CCDC7: variants seen among roughly 807,000 people sequenced by gnomAD.
CCDC7 encodes the protein coiled-coil domain-containing protein 7.
A neutral mutation model predicts 196.9 loss-of-function variants in CCDC7; 183 were observed. The ratio of observed to expected loss-of-function variants is 0.93; its 90% CI spans 0.82 to 1.05. The LOEUF (loss-of-function observed/expected upper bound fraction) is 1.05. Ranked by LOEUF, CCDC7 falls within the 50% of genes least tolerant of loss-of-function variation. The pLI, the probability that CCDC7 is intolerant of heterozygous loss-of-function variation, is 0.00. For synonymous variants in CCDC7, 525 were observed against 484.6 expected, an observed-to-expected ratio of 1.08 and a Z score of -1.10; for missense variants, 1,540 against 1,482.2, an observed-to-expected ratio of 1.04 and a Z score of -0.64.
At chr10:32,760,745 T>G (rs1419058264) in intron 28 of CCDC7, among the ~76,000 whole-genome samples, 4 of 147,288 alleles carry the variant, frequency 2.7e-5, no homozygotes, top group African/African-American at 1.0e-4. Flanking sequence ...TAAAGTATAA[T>G]AATAATAAAA....
intron 20 of CCDC7, among the ~76,000 whole-genome samples, chr10:32,656,763 A>G (rs1183122700): frequency 2.6e-5 from 4 of 152,162 alleles, no homozygotes. Flanking sequence ...AAACACAATC[A>G]TGCCCTTCCA....
At position 32,456,421 on chromosome 10, in the gene CCDC7, A is replaced by G. The variant is rs1408790466; in HGVS notation, c.456+87A>G. On this transcript the variant is annotated intron_variant, in intron 3 of 41. Coordinates refer to ENST00000639629, the Ensembl canonical transcript of CCDC7. Reference sequence around the variant, plus strand: ...TGAATCTGCTATCCAGTCAGCCAACATTAATCTAGATTCAGTGTCTTAAGA... The same window carrying G: ...TGAATCTGCTATCCAGTCAGCCAACGTTAATCTAGATTCAGTGTCTTAAGA... 5 of 1,028,276 alleles carry G rather than the reference A, an allele frequency of 4.9e-6. No individual in the cohort carries two copies. The African/African-American group carries it at 6.6e-5, about 14-fold the overall frequency. The allele number at this position is 1,028,276 out of a possible 1,614,324, so 63.7% of individuals were successfully genotyped here.
At chr10:32,729,578 C>A in intron 28 of CCDC7, 121 bp downstream of exon 29, 1 of 451,870 alleles carries the variant, frequency 2.2e-6, no homozygotes, top group Non-Finnish European at 3.8e-6. Context: ...CATCACACTA[C>A]CAGATCTTTA....
chr10:32,794,894 C>T (rs1033434601), intron 29 of CCDC7, among the ~76,000 whole-genome samples: 1 of 152,280 alleles, frequency 6.6e-6, no homozygotes, highest in African/African-American at 2.4e-5. Flanking sequence ...CAGCCCTGTT[C>T]TCTCTAGGTA....
chr10:32,556,630 G>A (rs749508842), intron 13 of CCDC7, among the ~76,000 whole-genome samples: 2 of 152,136 alleles, frequency 1.3e-5, no homozygotes, highest in Non-Finnish European at 2.9e-5. Context: ...TCTGTGGTAT[G>A]AGATATGTCT....
intron 25 of CCDC7, among the ~76,000 whole-genome samples, chr10:32,717,724 T>C (rs1287673271): frequency 6.6e-6 from 1 of 151,956 alleles, no homozygotes; most frequent in Non-Finnish European, 1.5e-5. Flanking sequence ...AAATACAAAC[T>C]ACCATCAGAG....
intron 20 of CCDC7, among the ~76,000 whole-genome samples, chr10:32,659,735 A>G (rs1392371433): frequency 6.6e-6 from 1 of 152,222 alleles, no homozygotes; most frequent in Non-Finnish European, 1.5e-5. Flanking sequence ...AAAGCTTAAC[A>G]TCACTGATCA....
At chr10:32,676,680 A>T (rs1411837789) in intron 21 of CCDC7, among the ~76,000 whole-genome samples, 2 of 152,082 alleles carry the variant, frequency 1.3e-5, no homozygotes, top group Non-Finnish European at 2.9e-5. Flanking sequence ...ATACCATCTC[A>T]CACCAGTTAG....
chr10:32,601,013 G>A (rs186823807), intron 18 of CCDC7, among the ~76,000 whole-genome samples: 18 of 151,666 alleles, frequency 1.2e-4, no homozygotes, highest in Admixed American at 3.3e-4. Context: ...TTTTCTTTTA[G>A]TACCTTAAGT....
chr10:32,504,179 G>A (rs1050281208), intron 9 of CCDC7, among the ~76,000 whole-genome samples: 12 of 143,804 alleles, frequency 8.3e-5, no homozygotes, highest in African/African-American at 2.4e-4. Flanking sequence ...GTGCAGTGGC[G>A]CGATCTTGGC....
chr10:32,689,570 G>T (rs2076839260), intron 23 of CCDC7, among the ~76,000 whole-genome samples: 1 of 152,066 alleles, frequency 6.6e-6, no homozygotes, highest in African/African-American at 2.4e-5. Flanking sequence ...CTAGGGAAAG[G>T]TAACCTAGGA....
At chr10:32,702,147 G>T (rs188111411) in intron 24 of CCDC7, among the ~76,000 whole-genome samples, 2 of 152,044 alleles carry the variant, frequency 1.3e-5, no homozygotes, top group African/African-American at 4.8e-5. Context: ...GCTTTCTCTT[G>T]TGGGCATTTA....
chr10:32,874,511 C>T (rs990958347), intron 41 of CCDC7, among the ~76,000 whole-genome samples: 1 of 151,666 alleles, frequency 6.6e-6, no homozygotes, highest in Non-Finnish European at 1.5e-5. Context: ...GCTTAGCTGC[C>T]ACTTATAAGT....
intron 28 of CCDC7, among the ~76,000 whole-genome samples, chr10:32,776,995 CTGAA>C (rs1236994479): frequency 6.6e-6 from 1 of 152,066 alleles, no homozygotes; most frequent in Admixed American, 6.5e-5. Flanking sequence ...TGTGGTATGA[CTGAA>C]TGCATCACCC....
chr10:32,596,480 T>C (rs576709138), intron 18 of CCDC7, among the ~76,000 whole-genome samples: 2 of 152,260 alleles, frequency 1.3e-5, no homozygotes, highest in African/African-American at 2.4e-5. Flanking sequence ...GTGTTGACTC[T>C]ATCCAATTTG....
At chr10:32,711,393 AT>A (rs1220908192) in intron 24 of CCDC7, among the ~76,000 whole-genome samples, 1 of 152,150 alleles carries the variant, frequency 6.6e-6, no homozygotes, top group Non-Finnish European at 1.5e-5. Flanking sequence ...AGAGACTAAT[AT>A]AAAACACATT....
chr10:32,813,509 A>G (rs1000683041), intron 30 of CCDC7, among the ~76,000 whole-genome samples: 5 of 152,218 alleles, frequency 3.3e-5, no homozygotes, highest in Non-Finnish European at 5.9e-5. Flanking sequence ...TTACAATTAC[A>G]TAACGTAAAA....
intron 28 of CCDC7, among the ~76,000 whole-genome samples, chr10:32,752,567 G>A (rs1003538663): frequency 1.3e-5 from 2 of 152,034 alleles, no homozygotes; most frequent in Middle Eastern, 3.2e-3. Context: ...CCCCTTTTGT[G>A]TGACTACAAT....
chr10:32,729,147 C>G, intron 27 of CCDC7, 150 bp downstream of exon 28: 1 of 835,538 alleles, frequency 1.2e-6, no homozygotes, highest in Non-Finnish European at 1.8e-6. Flanking sequence ...AACTAGAGAA[C>G]AAAAGTAATG....
Sources: allele counts gnomAD v4.1 joint callset (sites outside exome capture counted in the v4.1 genomes callset), GRCh38; gene constraint gnomAD v4.1.1; transcripts MANE v1.5; gene names NCBI Gene and HGNC (gene_info 2026-07-23, HGNC 2026-07-21).